The following STXBP5L variants were observed in gnomAD, a reference collection of about 807,000 sequenced individuals.
STXBP5L encodes syntaxin-binding protein 5-like.
In STXBP5L, 65 loss-of-function variants were observed where a neutral mutation model predicts 144.5. That is an observed-to-expected ratio of 0.45 (90% confidence interval 0.37 to 0.55). The LOEUF (loss-of-function observed/expected upper bound fraction) is 0.55. STXBP5L is among the 20% of genes least tolerant of loss of function. The pLI is 0.00. For missense variants in STXBP5L, 1,298 were observed against 1,405.5 expected (o/e 0.92, Z 1.22); for synonymous variants, 505 against 469.6 (o/e 1.08, Z -0.97).
At chr3:121,230,791 G>A (rs765879493) in intron 11 of STXBP5L, among the ~76,000 whole-genome samples, 8 of 152,058 alleles carry the variant, frequency 5.3e-5, no homozygotes, top group Non-Finnish European at 1.0e-4. Context: ...TTCAAACTTC[G>A]TCACTGTTAA....
intron 2 of STXBP5L, among the ~76,000 whole-genome samples, chr3:120,915,837 A>G (rs904134869): frequency 6.6e-6 from 1 of 152,170 alleles, no homozygotes; most frequent in Non-Finnish European, 1.5e-5. Context: ...GTAGTTATAA[A>G]GAATAGAATA....
intron 22 of STXBP5L, among the ~76,000 whole-genome samples, chr3:121,387,101 C>G (rs539790378): frequency 1.3e-5 from 2 of 152,186 alleles, no homozygotes; most frequent in East Asian, 3.8e-4. Context: ...GCCATTCTAA[C>G]GGGTGTGAGA....
In STXBP5L at chr3:121,254,071, A is replaced by C. The variant is rs539916089; in HGVS notation, c.1442-824A>C. 7.9e-5 allele frequency among the ~76,000 whole-genome samples: 12 copies of C among 152,206 alleles called. No homozygotes were observed. The South Asian group carries it at 2.5e-3, about 32-fold the overall frequency. Reference sequence around the variant, plus strand: ...TGAGTCTTCATTTCATGACACTGACATTTTTGAGGAGTTCAGGCCGGTTAT... The same window carrying C: ...TGAGTCTTCATTTCATGACACTGACCTTTTTGAGGAGTTCAGGCCGGTTAT... On this transcript the variant is annotated intron_variant, in intron 15 of 26. Transcript: ENST00000471454.
intron 2 of STXBP5L, among the ~76,000 whole-genome samples, chr3:120,926,875 T>G (rs886991984): frequency 3.2e-4 from 48 of 152,272 alleles, no homozygotes; most frequent in African/African-American, 1.1e-3. Context: ...AAAATTTCTG[T>G]TTGATTTTTA....
chr3:121,387,041 T>C (rs2046444424), intron 22 of STXBP5L, among the ~76,000 whole-genome samples: 1 of 152,210 alleles, frequency 6.6e-6, no homozygotes, highest in East Asian at 1.9e-4. Context: ...AGCATTCCTA[T>C]TTTTCCGCAT....
chr3:121,235,842 T>C (rs2331644), intron 12 of STXBP5L, among the ~76,000 whole-genome samples: 106,837 of 143,980 alleles, frequency 0.74, 39,307 homozygotes, highest in East Asian at 0.92. Flanking sequence ...CACACACACA[T>C]ACACACACAC....
chr3:121,168,589 CAG>C (rs1249116202), intron 9 of STXBP5L, among the ~76,000 whole-genome samples: 2 of 152,012 alleles, frequency 1.3e-5, no homozygotes, highest in African/African-American at 4.8e-5. Context: ...GACAGGATAA[CAG>C]AGATTGAAGA....
intron 15 of STXBP5L, among the ~76,000 whole-genome samples, chr3:121,253,636 CTT>C (rs940544631): frequency 7.4e-6 from 1 of 135,388 alleles, no homozygotes; most frequent in Non-Finnish European, 1.7e-5. Context: ...AATATATATA[CTT>C]TTTTTTTTTG....
intron 4 of STXBP5L, 129 bp downstream of exon 4, chr3:121,041,910 A>G (rs1217668450): frequency 1.6e-6 from 1 of 609,860 alleles, no homozygotes; most frequent in Admixed American, 2.9e-5. Context: ...ACTTCTGATT[A>G]TATTTTTCAC....
chr3:121,341,324 T>C (rs954918136), intron 20 of STXBP5L, among the ~76,000 whole-genome samples: 1 of 152,098 alleles, frequency 6.6e-6, no homozygotes, highest in Non-Finnish European at 1.5e-5. Flanking sequence ...GAAACTACAG[T>C]GAGGTATTAT....
chr3:121,355,812 C>T (rs2045489434), intron 20 of STXBP5L, among the ~76,000 whole-genome samples: 1 of 152,200 alleles, frequency 6.6e-6, no homozygotes, highest in Non-Finnish European at 1.5e-5. Context: ...GGTTTCTCTT[C>T]ATCTATGTGG....
At chr3:120,971,984 C>G (rs572308562) in intron 3 of STXBP5L, among the ~76,000 whole-genome samples, 1 of 151,900 alleles carries the variant, frequency 6.6e-6, no homozygotes, top group Non-Finnish European at 1.5e-5. Flanking sequence ...GTGCTGTGAC[C>G]TACTGTGACA....
At chr3:121,376,810 G>T (rs979177632) in intron 20 of STXBP5L, among the ~76,000 whole-genome samples, 13 of 152,034 alleles carry the variant, frequency 8.6e-5, no homozygotes, top group Non-Finnish European at 1.5e-4. Flanking sequence ...TCTATAAATA[G>T]CTTTGGGCAG....
At chr3:120,992,831 C>T (rs2107980234) in intron 3 of STXBP5L, among the ~76,000 whole-genome samples, 1 of 152,124 alleles carries the variant, frequency 6.6e-6, no homozygotes, top group Admixed American at 6.6e-5. Flanking sequence ...TAGTAGAATG[C>T]TGGATAATAT....
At chr3:121,080,792 A>G (rs2042218826) in intron 5 of STXBP5L, among the ~76,000 whole-genome samples, 1 of 152,280 alleles carries the variant, frequency 6.6e-6, no homozygotes, top group Admixed American at 6.5e-5. Flanking sequence ...TCTTGACTTC[A>G]GTAGTAATTG....
intron 5 of STXBP5L, among the ~76,000 whole-genome samples, chr3:121,077,330 C>T (rs1576871331): frequency 2.6e-5 from 4 of 152,190 alleles, no homozygotes; most frequent in Middle Eastern, 3.4e-3. Flanking sequence ...AGAATGAAGC[C>T]GCGGACCTTC....
At position 121,413,416 on chromosome 3, in the gene STXBP5L, A is replaced by G. The variant is rs1427395470; in HGVS notation, c.3114+93A>G. The G allele has an allele frequency of 3.4e-6, 4 of 1,165,018 alleles. No homozygotes were observed. The East Asian group carries it at 1.1e-4, about 31-fold the overall frequency. The allele number at this position is 1,165,018 out of a possible 1,614,324, so 72.2% of individuals were successfully genotyped here. On this transcript the variant is annotated intron_variant, in intron 24 of 26. Transcript: ENST00000471454. ...AAACAAAAATATTATTAGGTCAGACAATAATTATGCCCTTCCAATAACATG... is the reference window on the plus strand; with the variant it reads ...AAACAAAAATATTATTAGGTCAGACGATAATTATGCCCTTCCAATAACATG...
intron 24 of STXBP5L, among the ~76,000 whole-genome samples, chr3:121,414,876 A>G (rs963083645): frequency 6.6e-6 from 1 of 152,210 alleles, no homozygotes; most frequent in African/African-American, 2.4e-5. Flanking sequence ...AAGCATAAGG[A>G]TGGAGAAAAG....
chr3:120,977,104 AC>A (rs1941136080), intron 3 of STXBP5L, among the ~76,000 whole-genome samples: 1 of 151,998 alleles, frequency 6.6e-6, no homozygotes, highest in Non-Finnish European at 1.5e-5. Context: ...TATCCTTGTT[AC>A]CTTTCTGTCT....
Sources: allele counts gnomAD v4.1 joint callset (sites outside exome capture counted in the v4.1 genomes callset), GRCh38; gene constraint gnomAD v4.1.1; transcripts MANE v1.5; gene names NCBI Gene and HGNC (gene_info 2026-07-23, HGNC 2026-07-21).